MAGI2: variants seen among roughly 807,000 people sequenced by gnomAD.
MAGI2 encodes membrane associated guanylate kinase, WW and PDZ domain containing 2.
MAGI2 carries 35 observed loss-of-function variants against 133.3 expected under a neutral mutation model. That is an observed-to-expected ratio of 0.26 (90% CI 0.20 to 0.35). The LOEUF is 0.35. Ranked by LOEUF, MAGI2 falls within the 10% of genes least tolerant of loss-of-function variation. MAGI2 has a pLI of 1.00. For missense variants in MAGI2, 1,636 were observed against 1,863.4 expected (o/e 0.88, Z 2.25); for synonymous variants, 729 against 710.6 (o/e 1.03, Z -0.41).
At chr7:78,261,140 A>G (rs1395008683) in intron 9 of MAGI2, among the ~76,000 whole-genome samples, 3 of 152,102 alleles carry the variant, frequency 2.0e-5, no homozygotes, top group African/African-American at 4.8e-5. Context: ...CTCATCTTAC[A>G]GTCTACTCCA....
chr7:79,440,067 C>T (rs1204577071), intron 1 of MAGI2, among the ~76,000 whole-genome samples: 1 of 152,126 alleles, frequency 6.6e-6, no homozygotes, highest in East Asian at 1.9e-4. Context: ...CTTGGCAGTA[C>T]TGACCACTCA....
intron 9 of MAGI2, among the ~76,000 whole-genome samples, chr7:78,342,830 G>A (rs1790531228): frequency 6.6e-6 from 1 of 152,022 alleles, no homozygotes; most frequent in Non-Finnish European, 1.5e-5. Flanking sequence ...GATAGGGGAG[G>A]GATAGCATTT....
At chr7:78,132,313 A>G (rs921209480) in intron 18 of MAGI2, among the ~76,000 whole-genome samples, 18 of 152,236 alleles carry the variant, frequency 1.2e-4, no homozygotes, top group African/African-American at 4.3e-4. Flanking sequence ...TCACCCTGCC[A>G]GCCTCCTGTC....
intron 12 of MAGI2, among the ~76,000 whole-genome samples, chr7:78,192,353 G>T (rs11763521): frequency 0.11 from 16,108 of 151,992 alleles, 1,184 homozygotes; most frequent in Non-Finnish European, 0.16. Context: ...TTTTGTTTCG[G>T]TATGTACATT....
intron 7 of MAGI2, among the ~76,000 whole-genome samples, chr7:78,353,929 T>C (rs770395494): frequency 6.6e-6 from 1 of 152,172 alleles, no homozygotes; most frequent in Non-Finnish European, 1.5e-5. Context: ...CCTACTTCCA[T>C]TGTGACCTTA....
At chr7:78,421,374 T>C (rs1798780885) in intron 6 of MAGI2, among the ~76,000 whole-genome samples, 1 of 152,226 alleles carries the variant, frequency 6.6e-6, no homozygotes, top group Non-Finnish European at 1.5e-5. Flanking sequence ...TGGTTAACAA[T>C]TATTGTGTGG....
intron 14 of MAGI2, among the ~76,000 whole-genome samples, chr7:78,173,530 A>T (rs1826307220): frequency 6.6e-6 from 1 of 152,070 alleles, no homozygotes; most frequent in South Asian, 2.1e-4. Flanking sequence ...TTTTGTAAAG[A>T]CTCTATTAAA....
chr7:78,603,115 T>A (rs1805387022), intron 3 of MAGI2, among the ~76,000 whole-genome samples: 1 of 152,204 alleles, frequency 6.6e-6, no homozygotes, highest in Admixed American at 6.5e-5. Context: ...TCTTGTATTT[T>A]TTTCAATTAA....
chr7:78,201,390 A>G (rs1327780343), intron 10 of MAGI2, among the ~76,000 whole-genome samples, 197 bp from the exon 11 acceptor site: 2 of 152,220 alleles, frequency 1.3e-5, no homozygotes, highest in African/African-American at 4.8e-5. Context: ...TAATGATTCT[A>G]AGAACATTCC....
chr7:79,201,761 A>ATTTAC (rs1184405880), intron 1 of MAGI2, among the ~76,000 whole-genome samples: 31 of 152,128 alleles, frequency 2.0e-4, no homozygotes, highest in African/African-American at 7.5e-4. Flanking sequence ...TACTATTTGC[A>ATTTAC]TAATAAAAAT....
intron 1 of MAGI2, chr7:79,351,670 TACA>T (rs1841702981): frequency 6.6e-6 from 1 of 152,184 alleles, no homozygotes; most frequent in Non-Finnish European, 1.5e-5. Context: ...ACAAAATTAT[TACA>T]ATTCATGGAA....
chr7:79,127,369 C>T (rs1037421663), intron 1 of MAGI2, among the ~76,000 whole-genome samples: 7 of 152,004 alleles, frequency 4.6e-5, no homozygotes, highest in Non-Finnish European at 7.4e-5. Flanking sequence ...CCTGAGGAAT[C>T]GCCACACTGA....
At chr7:79,171,770 A>ATATATATATATATTTTTTTTT in intron 1 of MAGI2, among the ~76,000 whole-genome samples, 18 of 31,202 alleles carry the variant, frequency 5.8e-4, no homozygotes, top group Admixed American at 8.0e-4. Flanking sequence ...ATATATATAT[A>ATATATATATATATTTTTTTTT]TTTTTTTTTT....
intron 20 of MAGI2, among the ~76,000 whole-genome samples, chr7:78,088,240 T>C (rs972529228): frequency 1.3e-5 from 2 of 152,218 alleles, no homozygotes; most frequent in Admixed American, 1.3e-4. Context: ...GTGCAATGAC[T>C]TCTATACTGA....
chr7:78,628,117 T>C (rs1011409134), intron 2 of MAGI2, among the ~76,000 whole-genome samples: 2 of 152,224 alleles, frequency 1.3e-5, no homozygotes, highest in African/African-American at 2.4e-5. Context: ...CTCCCAGGCA[T>C]GCTGTCCAGT....
chr7:78,278,056 C>T lies in MAGI2; in HGVS notation c.1409-21475G>A, dbSNP rs183966277. ...AGAAAAGTACCTTTTTATCTGACTCCAGAGGGGAAACAAAAGGGTAGTAGG... is the reference window on the plus strand; with the variant it reads ...AGAAAAGTACCTTTTTATCTGACTCTAGAGGGGAAACAAAAGGGTAGTAGG... On this transcript the variant is annotated intron_variant, in intron 9 of 21. Coordinates refer to ENST00000354212, the MANE Select transcript of MAGI2 (RefSeq NM_012301.4). Among the ~76,000 whole-genome samples the T allele has an allele frequency of 3.9e-5, 6 of 152,184 alleles. No individual in the cohort carries two copies. In the East Asian group the frequency reaches 1.2e-3, roughly 29 times the overall value.
At chr7:78,552,247 G>A (rs917518273) in intron 3 of MAGI2, among the ~76,000 whole-genome samples, 3 of 141,062 alleles carry the variant, frequency 2.1e-5, no homozygotes, top group Admixed American at 7.6e-5. Flanking sequence ...ACAATGGCGC[G>A]ATCTCAGCTC....
At chr7:78,288,857 A>C (rs1222080979) in intron 9 of MAGI2, among the ~76,000 whole-genome samples, 1 of 152,234 alleles carries the variant, frequency 6.6e-6, no homozygotes, top group African/African-American at 2.4e-5. Context: ...GTGGACCTCC[A>C]GCAAACTCTA....
At chr7:78,846,377 G>T (rs1290241664) in intron 2 of MAGI2, among the ~76,000 whole-genome samples, 2 of 151,968 alleles carry the variant, frequency 1.3e-5, no homozygotes, top group African/African-American at 4.8e-5. Flanking sequence ...AATCATGTCA[G>T]ATGGGTGGGT....
Sources: gnomAD v4.1 joint callset for allele counts (sites outside exome capture counted in the v4.1 genomes callset) on GRCh38, gnomAD v4.1.1 for gene constraint, MANE v1.5 for transcripts, NCBI Gene and HGNC (gene_info 2026-07-23, HGNC 2026-07-21) for gene names.